The following PIK3C2B variants were observed in gnomAD, a reference collection of about 807,000 sequenced individuals.
PIK3C2B encodes phosphatidylinositol-4-phosphate 3-kinase catalytic subunit type 2 beta.
PIK3C2B carries 83 observed loss-of-function variants against 184.3 expected under a neutral mutation model. That is an observed-to-expected ratio of 0.45 (90% CI 0.38 to 0.54). The LOEUF (loss-of-function observed/expected upper bound fraction) is 0.54. PIK3C2B is among the 20% of genes least tolerant of loss of function. The probability of loss-of-function intolerance (pLI) is 0.00; values close to 1 mark genes in which losing one functional copy is unlikely to be tolerated. For synonymous variants in PIK3C2B, 779 were observed against 837.6 expected, an observed-to-expected ratio of 0.93 and a Z score of 1.21; for missense variants, 1,736 against 2,113.5, an observed-to-expected ratio of 0.82 and a Z score of 3.50.
intron 1 of PIK3C2B, 100 bp from the exon 2 acceptor site, chr1:204,469,986 C>T (rs1656167774): frequency 1.0e-5 from 6 of 590,944 alleles, no homozygotes; most frequent in South Asian, 8.0e-5. Flanking sequence ...CCAGTGCCTG[C>T]TTCTTCGTTG....
At chr1:204,443,627 G>A (rs1265192587) in intron 18 of PIK3C2B, 30 bp from the exon 19 acceptor site, 1 of 1,602,874 alleles carries the variant, frequency 6.2e-7, no homozygotes, top group Admixed American at 1.7e-5. Flanking sequence ...AGGAGTCAGG[G>A]CACTCCAGGG....
chr1:204,482,301 T>C (rs1046839886), intron 1 of PIK3C2B, among the ~76,000 whole-genome samples: 4 of 152,246 alleles, frequency 2.6e-5, no homozygotes, highest in Middle Eastern at 3.4e-3. Context: ...TTAGCCCAGG[T>C]TGATCCAGGT....
chr1:204,457,719 C>A lies in PIK3C2B; in HGVS notation c.1713+9G>T. 1 of 1,598,898 alleles carries A rather than the reference C, an allele frequency of 6.3e-7. No homozygotes were observed. The highest frequency in any genetic ancestry group is 8.5e-7 in the Non-Finnish European group (1 of 1,173,764). On this transcript the variant is annotated intron_variant, in intron 9 of 32. Transcript: ENST00000684373. ...TCCTTTCCCCTGCTAGCACCCTGGGCCCCTTTACCTTCTGAATTTTAGGCT... is the reference window on the plus strand; with the variant it reads ...TCCTTTCCCCTGCTAGCACCCTGGGACCCTTTACCTTCTGAATTTTAGGCT...
At chr1:204,489,940 A>C (rs1657900588) in intron 1 of PIK3C2B, 1 of 395,714 alleles carries the variant, frequency 2.5e-6, no homozygotes, top group East Asian at 3.6e-5. Context: ...ATCTAGTATG[A>C]GAGAAAGAGA....
intron 20 of PIK3C2B, among the ~76,000 whole-genome samples, chr1:204,442,286 CCTTT>C (rs1381273677): frequency 6.6e-6 from 1 of 152,202 alleles, no homozygotes; most frequent in African/African-American, 2.4e-5. Context: ...CCTCGTTTCT[CCTTT>C]CTATTTCTGC....
chr1:204,431,442 G>C, intron 28 of PIK3C2B: 1 of 577,468 alleles, frequency 1.7e-6, no homozygotes, highest in Non-Finnish European at 3.1e-6. Flanking sequence ...ATTCAACCAT[G>C]CCTTCCTTTC....
chr1:204,479,347 T>C (rs1363590252), intron 1 of PIK3C2B, among the ~76,000 whole-genome samples: 2 of 152,008 alleles, frequency 1.3e-5, no homozygotes, highest in Non-Finnish European at 1.5e-5. Context: ...CTCCTCCAGC[T>C]TTCTTGGCCT....
chr1:204,454,929 A>T, intron 11 of PIK3C2B, 138 bp from the exon 12 acceptor site: 1 of 897,558 alleles, frequency 1.1e-6, no homozygotes, highest in East Asian at 2.7e-5. Flanking sequence ...GGATCTCCGG[A>T]TAGGACAGCC....
At chr1:204,444,028 G>T in intron 18 of PIK3C2B, 40 bp downstream of exon 18, 2 of 1,346,800 alleles carry the variant, frequency 1.5e-6, no homozygotes, top group African/African-American at 1.4e-5. Context: ...CTACGTGAAA[G>T]ACACGTGTCT....
rs917754908 is a variant in PIK3C2B, at chr1:204,452,132, G to A, written c.2067-2115C>T. Among the ~76,000 whole-genome samples the A allele has an allele frequency of 2.0e-5, 3 of 151,982 alleles. No homozygotes were observed. The South Asian group carries it at 6.2e-4, about 32-fold the overall frequency. Reference sequence around the variant, plus strand: ...TGCCCTTCACAAGGCGCTAGGCAGGGGACTGCCCCTTTAAAATTCAAGGTG... The same window carrying A: ...TGCCCTTCACAAGGCGCTAGGCAGGAGACTGCCCCTTTAAAATTCAAGGTG... On this transcript the variant is annotated intron_variant, in intron 12 of 32. Transcript: ENST00000684373.
At position 204,433,726 on chromosome 1, in the gene PIK3C2B, A is replaced by G. The variant is rs1675194108; in HGVS notation, c.3843+67T>C. The G allele has an allele frequency of 7.0e-7, 1 of 1,422,798 alleles. No individual in the cohort carries two copies. The highest frequency in any genetic ancestry group is 2.3e-5 in the East Asian group (1 of 43,934). The allele number at this position is 1,422,798 out of a possible 1,614,324, so 88.1% of individuals were successfully genotyped here. A position where few individuals can be genotyped will look rare whatever the true frequency, so the allele number is the denominator to read the frequency against. ...CTCTAGAAATCCTCTGCGGCAAGAC[A>G]GGGAAGTCTTAAAGATGATGCCAGA... On this transcript the variant is annotated intron_variant, in intron 25 of 32. Coordinates refer to ENST00000684373, the MANE Select transcript of PIK3C2B (RefSeq NM_001377334.1). This position sits in a 1 kb window ranked among gnomAD's most constrained non-coding sequence, Gnocchi z 5.0.
intron 12 of PIK3C2B, among the ~76,000 whole-genome samples, chr1:204,452,672 T>TTA (rs4018127): frequency 5.1e-5 from 7 of 136,558 alleles, no homozygotes; most frequent in African/African-American, 1.9e-4. Context: ...TTTTTTTTTT[T>TTA]AAGATAGGGT....
chr1:204,436,826 A>G (rs1572294965), intron 23 of PIK3C2B, among the ~76,000 whole-genome samples: 1 of 152,230 alleles, frequency 6.6e-6, no homozygotes, highest in East Asian at 1.9e-4. Flanking sequence ...TGAAAAATGC[A>G]TATTAGCATA....
Position 204,441,609 on chromosome 1 carries a change from C to A in PIK3C2B, c.3157-46G>T, listed in dbSNP as rs1675666558. 2.1e-6 allele frequency: 3 copies of A among 1,404,830 alleles called. No individual in the cohort carries two copies. In the South Asian group the frequency reaches 3.6e-5, roughly 17 times the overall value. The allele number at this position is 1,404,830 out of a possible 1,614,324, so 87.0% of individuals were successfully genotyped here. On this transcript the variant is annotated intron_variant, in intron 20 of 32. Transcript: ENST00000684373. ...TGACGAGGGTCAGAGTGGCCCATGC[C>A]AGGAAAGGAAAACGACCTCTCCACT...
chr1:204,431,662 C>T lies in PIK3C2B; in HGVS notation c.4280+7G>A. 1 of 1,613,888 alleles carries T rather than the reference C, an allele frequency of 6.2e-7. No individual in the cohort carries two copies. Among genetic ancestry groups the T allele is most frequent in the Non-Finnish European group, 8.5e-7 (1 of 1,180,024 alleles). ...CCCTCTGTGCAGATAGTAAAGGGGG[C>T]AGCTACCTGGGCAAGTGGGAAGAAG... is the stretch of plus-strand genomic sequence containing the variant. On this transcript the variant is annotated splice_region_variant and intron_variant, in intron 28 of 32. Coordinates refer to ENST00000684373, the MANE Select transcript of PIK3C2B (RefSeq NM_001377334.1).
chr1:204,445,895 A>C (rs895881667), intron 16 of PIK3C2B, 61 bp downstream of exon 16: 2 of 1,141,452 alleles, frequency 1.8e-6, no homozygotes, highest in Non-Finnish European at 2.4e-6. Flanking sequence ...ACTGATGGGC[A>C]GTGTCGTGCC....
At chr1:204,476,541 C>CAAATT (rs1256547118) in intron 1 of PIK3C2B, among the ~76,000 whole-genome samples, 14 of 152,318 alleles carry the variant, frequency 9.2e-5, no homozygotes, top group East Asian at 3.9e-4. Context: ...GACCCTGTCT[C>CAAATT]AAATTAAATT....
chr1:204,439,126 G>A (rs1675509156), intron 22 of PIK3C2B, 55 bp from the exon 23 acceptor site: 6 of 1,581,032 alleles, frequency 3.8e-6, no homozygotes, highest in East Asian at 2.3e-5. Flanking sequence ...GGGACTGCAG[G>A]GAGAGGACTA....
chr1:204,431,678 T>G lies in PIK3C2B; in HGVS notation c.4271A>C (p.His1424Pro), dbSNP rs1263806866. The G allele has an allele frequency of 6.2e-7, 1 of 1,613,936 alleles. No homozygotes were observed. The highest frequency in any genetic ancestry group is 1.3e-5 in the African/African-American group (1 of 75,010). The change falls in exon 28 of 33, where the codon CAC (histidine) becomes CCC (proline). Residue 1424 changes from histidine to proline, a missense_variant. By Grantham distance (77) the His-to-Pro change is moderately conservative. Coordinates refer to ENST00000684373, the MANE Select transcript of PIK3C2B (RefSeq NM_001377334.1). ...TAAAGGGGGCAGCTACCTGGGCAAG[T>G]GGGAAGAAGGGAAGAGCAGCCGCAA... Reference protein sequence around the residue: ...NKLRLLFPSSHLPSFPSRFVI... With the variant: ...NKLRLLFPSSPLPSFPSRFVI...
Sources: gnomAD v4.1 joint callset for allele counts (sites outside exome capture counted in the v4.1 genomes callset) on GRCh38, gnomAD v4.1.1 for gene constraint, Gnocchi (gnomAD v3.1) non-coding constraint, MANE v1.5 for transcripts, NCBI Gene and HGNC (gene_info 2026-07-23, HGNC 2026-07-21) for gene names.